The following PRKCQ variants were observed in gnomAD, a reference collection of about 807,000 sequenced individuals.
PRKCQ encodes protein kinase C theta type.
A neutral mutation model predicts 91.2 loss-of-function variants in PRKCQ; 41 were observed. That is an observed-to-expected ratio of 0.45 (90% CI 0.35 to 0.58). The LOEUF (loss-of-function observed/expected upper bound fraction) is 0.58. PRKCQ is among the 20% of genes least tolerant of loss of function. The probability of loss-of-function intolerance (pLI) is 0.00; values close to 1 mark genes in which losing one functional copy is unlikely to be tolerated. For synonymous variants in PRKCQ, 307 were observed against 316.9 expected (o/e 0.97, Z 0.33); for missense variants, 673 against 896.5 (o/e 0.75, Z 3.18).
chr10:6,486,918 G>A (rs1205735997), intron 8 of PRKCQ, among the ~76,000 whole-genome samples: 2 of 152,220 alleles, frequency 1.3e-5, no homozygotes, highest in Non-Finnish European at 2.9e-5. Context: ...GTAGGAGGAG[G>A]CTAGCAATGC....
chr10:6,509,135 G>A (rs1262571859), intron 3 of PRKCQ, among the ~76,000 whole-genome samples: 1 of 152,132 alleles, frequency 6.6e-6, no homozygotes, highest in East Asian at 1.9e-4. Context: ...TGTGCTAGTT[G>A]GTTAAATGAG....
chr10:6,484,990 G>T (rs538687611), intron 10 of PRKCQ, among the ~76,000 whole-genome samples, 162 bp downstream of exon 10: 1 of 152,174 alleles, frequency 6.6e-6, no homozygotes, highest in Non-Finnish European at 1.5e-5. Flanking sequence ...AAGGTAAAAG[G>T]TTTTAGTTTC....
intron 7 of PRKCQ, 129 bp downstream of exon 7, chr10:6,496,906 G>A: frequency 1.2e-6 from 1 of 841,174 alleles, no homozygotes; most frequent in Non-Finnish European, 2.0e-6. Flanking sequence ...AAAGAGTTTT[G>A]GGGAGATGGA....
chr10:6,395,062 T>G, the PRKCQ span, among the ~76,000 whole-genome samples: 6 of 144,968 alleles, frequency 4.1e-5, no homozygotes, highest in Non-Finnish European at 7.6e-5. Context: ...GAGTCTTTTT[T>G]TTTTTTTTTT....
chr10:6,479,579 C>T (rs1170756896), intron 11 of PRKCQ, among the ~76,000 whole-genome samples: 2 of 151,720 alleles, frequency 1.3e-5, no homozygotes, highest in East Asian at 3.9e-4. Flanking sequence ...TACGTTTTAC[C>T]CAGTTTTTCC....
intron 13 of PRKCQ, among the ~76,000 whole-genome samples, chr10:6,464,070 C>T (rs1469480275): frequency 6.6e-6 from 1 of 152,164 alleles, no homozygotes; most frequent in African/African-American, 2.4e-5. Context: ...TAGTTAGAAG[C>T]CTGATGAATC....
At chr10:6,569,943 T>C (rs900295715) in intron 1 of PRKCQ, among the ~76,000 whole-genome samples, 10 of 151,338 alleles carry the variant, frequency 6.6e-5, no homozygotes, top group South Asian at 6.3e-4. Flanking sequence ...AGCGAGGAGA[T>C]AGGTATGGAG....
At chr10:6,505,658 T>C (rs921103120) in intron 4 of PRKCQ, among the ~76,000 whole-genome samples, 6 of 150,204 alleles carry the variant, frequency 4.0e-5, no homozygotes, top group Non-Finnish European at 8.9e-5. Context: ...TCCTTTCCTT[T>C]CTTTCCTTTC....
At chr10:6,485,978 A>T in intron 9 of PRKCQ, 57 bp downstream of exon 9, 9 of 1,442,104 alleles carry the variant, frequency 6.2e-6, no homozygotes, top group Non-Finnish European at 8.7e-6. Context: ...GCAGAAGTGC[A>T]TGGACATCCT....
chr10:6,527,735 C>T (rs1378297483), intron 1 of PRKCQ, among the ~76,000 whole-genome samples: 1 of 152,094 alleles, frequency 6.6e-6, no homozygotes, highest in Non-Finnish European at 1.5e-5. Context: ...CAAAAGGCCC[C>T]GAGCTTCTCC....
intron 9 of PRKCQ, among the ~76,000 whole-genome samples, 169 bp from the exon 10 acceptor site, chr10:6,485,438 A>G (rs533060717): frequency 8.5e-5 from 13 of 152,232 alleles, no homozygotes; most frequent in Admixed American, 4.6e-4. Flanking sequence ...GGGAGAGTCT[A>G]TCTACTGTAT....
intron 1 of PRKCQ, 117 bp from the exon 2 acceptor site, chr10:6,515,261 A>G: frequency 6.4e-7 from 1 of 1,554,666 alleles, no homozygotes; most frequent in South Asian, 1.2e-5. Context: ...ACATAGGTCC[A>G]CTATCCATGT....
chr10:6,523,478 A>C (rs1839091741), intron 1 of PRKCQ, among the ~76,000 whole-genome samples: 3 of 152,116 alleles, frequency 2.0e-5, no homozygotes, highest in Admixed American at 2.0e-4. Context: ...ATAAAGTATA[A>C]ATTGAAGATA....
intron 1 of PRKCQ, among the ~76,000 whole-genome samples, chr10:6,553,512 A>T (rs7067768): frequency 0.28 from 39,869 of 140,740 alleles, 7,299 homozygotes; most frequent in African/African-American, 0.48. Flanking sequence ...AAAAAAAAAA[A>T]AAAAACAAAC....
At chr10:6,415,668 T>C in the PRKCQ span, among the ~76,000 whole-genome samples, 1 of 151,648 alleles carries the variant, frequency 6.6e-6, no homozygotes, top group Non-Finnish European at 1.5e-5. Context: ...GTTTGTACTA[T>C]TCTGGGATTG....
intron 1 of PRKCQ, among the ~76,000 whole-genome samples, chr10:6,532,957 C>T (rs1389105226): frequency 6.6e-6 from 1 of 152,134 alleles, no homozygotes; most frequent in African/African-American, 2.4e-5. Flanking sequence ...ATATTCCCCC[C>T]TGAATCTAAG....
intron 15 of PRKCQ, among the ~76,000 whole-genome samples, chr10:6,448,556 G>A (rs766322806): frequency 7.4e-4 from 113 of 152,068 alleles, no homozygotes; most frequent in Non-Finnish European, 1.1e-3. Flanking sequence ...TTACAGGTAC[G>A]TGCCACCACA....
intron 1 of PRKCQ, among the ~76,000 whole-genome samples, chr10:6,540,846 A>C (rs1447824855): frequency 6.6e-6 from 1 of 152,218 alleles, no homozygotes; most frequent in African/African-American, 2.4e-5. Flanking sequence ...CATGTCCACC[A>C]GCAATTCAAG....
intron 16 of PRKCQ, among the ~76,000 whole-genome samples, chr10:6,441,612 C>T (rs557881507): frequency 9.2e-5 from 14 of 152,242 alleles, no homozygotes; most frequent in African/African-American, 3.1e-4. Context: ...TTTAATGAAC[C>T]AACTACATCT....
Sources: gnomAD v4.1 joint callset for allele counts (sites outside exome capture counted in the v4.1 genomes callset) on GRCh38, gnomAD v4.1.1 for gene constraint, MANE v1.5 for transcripts, NCBI Gene and HGNC (gene_info 2026-07-23, HGNC 2026-07-21) for gene names.